Variants in TMEM163 observed in about 807,000 individuals in gnomAD.
TMEM163 encodes the protein transmembrane protein 163.
Under a neutral mutation model 29.3 loss-of-function variants are expected in TMEM163, and 17 were observed. That is an observed-to-expected ratio of 0.58 (90% CI 0.40 to 0.87). The LOEUF is 0.87. TMEM163 is among the 40% of genes least tolerant of loss of function. The pLI is 0.00. For missense variants in TMEM163, 303 were observed against 381.5 expected, an observed-to-expected ratio of 0.79 and a Z score of 1.71; for synonymous variants, 157 against 160.6, an observed-to-expected ratio of 0.98 and a Z score of 0.17.
At chr2:134,468,603 G>C (rs1686721191) in intron 5 of TMEM163, 1 of 152,266 alleles carries the variant, frequency 6.6e-6, no homozygotes, top group Admixed American at 6.5e-5. Flanking sequence ...TTTGGAGACT[G>C]AATACTCACT....
chr2:134,529,574 C>A (rs1179897262), intron 4 of TMEM163, among the ~76,000 whole-genome samples: 2 of 151,712 alleles, frequency 1.3e-5, no homozygotes, highest in Non-Finnish European at 2.9e-5. Context: ...CATGGAGAAA[C>A]CCCTATCTCT....
chr2:134,551,999 T>C, intron 3 of TMEM163, 49 bp downstream of exon 3: 3 of 1,562,484 alleles, frequency 1.9e-6, no homozygotes, highest in Non-Finnish European at 1.8e-6. Context: ...TTTATGGGCT[T>C]ATGAAAAAAC....
chr2:134,660,362 T>G (rs59196405), intron 2 of TMEM163, among the ~76,000 whole-genome samples: 16,300 of 151,966 alleles, frequency 0.11, 1,064 homozygotes, highest in African/African-American at 0.17. Context: ...GAAGGCAAGA[T>G]ATAACAGAGG....
intron 2 of TMEM163, among the ~76,000 whole-genome samples, chr2:134,567,484 G>A (rs1051532500): frequency 6.6e-6 from 1 of 152,124 alleles, no homozygotes; most frequent in African/African-American, 2.4e-5. Context: ...CTGAGGTCAG[G>A]AGTTCTAGAC....
chr2:134,458,281 G>A, intron 6 of TMEM163, 108 bp from the exon 7 acceptor site: 3 of 1,373,386 alleles, frequency 2.2e-6, no homozygotes, highest in Middle Eastern at 2.3e-4. Flanking sequence ...TGGGAGGAAT[G>A]ATGCCCAAAG....
intron 7 of TMEM163, among the ~76,000 whole-genome samples, chr2:134,457,100 T>C (rs529856164): frequency 1.8e-4 from 27 of 152,304 alleles, no homozygotes; most frequent in African/African-American, 6.5e-4. Flanking sequence ...GAGGTCCATC[T>C]ATGTTGGAGC....
intron 2 of TMEM163, among the ~76,000 whole-genome samples, chr2:134,666,040 A>T (rs893194279): frequency 6.6e-6 from 1 of 152,226 alleles, no homozygotes; most frequent in Non-Finnish European, 1.5e-5. Flanking sequence ...CTGAGATCTG[A>T]TACTGTCATC....
chr2:134,480,176 C>T lies in TMEM163; in HGVS notation c.556-13951G>A, dbSNP rs897836327. On this transcript the variant is annotated intron_variant, in intron 5 of 7. Transcript: ENST00000281924. ...CCAAACCAGCTGGATAAAGGGGACTCCTCTGCCCTCACCTCCTAACACTCT... is the reference window on the plus strand; with the variant it reads ...CCAAACCAGCTGGATAAAGGGGACTTCTCTGCCCTCACCTCCTAACACTCT... Among the ~76,000 whole-genome samples, 6 of 152,308 alleles carry T rather than the reference C, an allele frequency of 3.9e-5. No homozygotes were observed. The South Asian group carries it at 1.2e-3, about 32-fold the overall frequency.
At chr2:134,650,619 T>G (rs1273108041) in intron 2 of TMEM163, among the ~76,000 whole-genome samples, 1 of 144,580 alleles carries the variant, frequency 6.9e-6, no homozygotes, top group Admixed American at 6.8e-5. Context: ...TGTATACATG[T>G]GCCATGCTGG....
chr2:134,575,721 G>C (rs898573644), intron 2 of TMEM163, among the ~76,000 whole-genome samples: 1 of 152,176 alleles, frequency 6.6e-6, no homozygotes, highest in African/African-American at 2.4e-5. Context: ...AACAGGATCT[G>C]GTTTCATGGA....
At chr2:134,520,014 G>T (rs1314493772) in intron 4 of TMEM163, among the ~76,000 whole-genome samples, 1 of 152,012 alleles carries the variant, frequency 6.6e-6, no homozygotes, top group South Asian at 2.1e-4. Context: ...AAGACAGTTC[G>T]CATCACCTGA....
intron 2 of TMEM163, among the ~76,000 whole-genome samples, chr2:134,564,098 C>A (rs930834747): frequency 3.3e-5 from 5 of 152,046 alleles, no homozygotes; most frequent in African/African-American, 1.2e-4. Flanking sequence ...GCCAAGACAA[C>A]CGTTAACAAC....
At chr2:134,565,948 G>A (rs752011007) in intron 2 of TMEM163, among the ~76,000 whole-genome samples, 10 of 152,302 alleles carry the variant, frequency 6.6e-5, no homozygotes, top group East Asian at 3.9e-4. Context: ...GGCAGGGAGC[G>A]GTGTCAAAGA....
At chr2:134,672,735 A>G (rs192136216) in intron 2 of TMEM163, among the ~76,000 whole-genome samples, 1 of 152,110 alleles carries the variant, frequency 6.6e-6, no homozygotes, top group East Asian at 1.9e-4. Context: ...CCTGCTCACC[A>G]TCTATATCCC....
chr2:134,489,476 C>A (rs1679382389), intron 5 of TMEM163, among the ~76,000 whole-genome samples: 1 of 151,600 alleles, frequency 6.6e-6, no homozygotes, highest in Non-Finnish European at 1.5e-5. Context: ...ATTTGGGAGG[C>A]TGAGGCAGGA....
intron 2 of TMEM163, among the ~76,000 whole-genome samples, chr2:134,565,610 G>GA (rs57236850): frequency 0.042 from 5,682 of 134,532 alleles, 209 homozygotes; most frequent in East Asian, 0.16. Context: ...TCTGTCTCCA[G>GA]AAAAAAAAAA....
intron 5 of TMEM163, chr2:134,467,658 T>C (rs1686701057): frequency 6.6e-6 from 1 of 151,866 alleles, no homozygotes; most frequent in African/African-American, 2.4e-5. Context: ...ATGTGACAAG[T>C]AAATGCAGCA....
chr2:134,498,318 C>T (rs911158479), intron 5 of TMEM163, among the ~76,000 whole-genome samples: 1 of 151,548 alleles, frequency 6.6e-6, no homozygotes, highest in African/African-American at 2.4e-5. Context: ...TGTCCTGCTG[C>T]AGTCTCCACC....
At chr2:134,717,424 G>C (rs1685060112) in intron 1 of TMEM163, among the ~76,000 whole-genome samples, 1 of 152,180 alleles carries the variant, frequency 6.6e-6, no homozygotes, top group Non-Finnish European at 1.5e-5. Flanking sequence ...GTTGCCACTG[G>C]AGCAGCTCCA....
Sources: allele counts gnomAD v4.1 joint callset (sites outside exome capture counted in the v4.1 genomes callset), GRCh38; gene constraint gnomAD v4.1.1; transcripts MANE v1.5; gene names NCBI Gene and HGNC (gene_info 2026-07-23, HGNC 2026-07-21).